The following DAP variants were observed in gnomAD, a reference collection of about 807,000 sequenced individuals.
DAP encodes death-associated protein 1.
Under a neutral mutation model 13.8 loss-of-function variants are expected in DAP, and 8 were observed. The observed-to-expected ratio is 0.58, with a 90% CI of 0.34 to 1.05. DAP has a LOEUF of 1.05. Ranked by LOEUF, DAP falls within the 50% of genes least tolerant of loss-of-function variation. The probability of loss-of-function intolerance (pLI) is 0.03; values close to 1 mark genes in which losing one functional copy is unlikely to be tolerated. For missense variants in DAP, 106 were observed against 133.2 expected (o/e 0.80, Z 1.01); for synonymous variants, 47 against 47.5 (o/e 0.99, Z 0.04).
intron 2 of DAP, among the ~76,000 whole-genome samples, chr5:10,700,982 G>A (rs917003648): frequency 6.6e-6 from 1 of 152,254 alleles, no homozygotes; most frequent in Non-Finnish European, 1.5e-5. Flanking sequence ...TGAATAGACG[G>A]GTGTGAAATG....
chr5:10,697,582 T>C (rs1012023978), intron 2 of DAP, among the ~76,000 whole-genome samples: 2 of 152,188 alleles, frequency 1.3e-5, no homozygotes, highest in African/African-American at 4.8e-5. Context: ...GGTCATGTTA[T>C]AAATGGTTTA....
At chr5:10,751,146 C>T (rs1740036311) in intron 1 of DAP, among the ~76,000 whole-genome samples, 4 of 152,174 alleles carry the variant, frequency 2.6e-5, no homozygotes, top group Non-Finnish European at 4.4e-5. Context: ...ACCTTGGCTA[C>T]TCCCTGCCTC....
chr5:10,681,812 A>C (rs948949914), intron 3 of DAP, among the ~76,000 whole-genome samples: 1 of 142,194 alleles, frequency 7.0e-6, no homozygotes, highest in African/African-American at 2.7e-5. Context: ...TGGCGGTTGT[A>C]TAAGAGGAAG....
At chr5:10,705,567 C>A (rs1738678881) in intron 2 of DAP, among the ~76,000 whole-genome samples, 1 of 152,240 alleles carries the variant, frequency 6.6e-6, no homozygotes, top group African/African-American at 2.4e-5. Flanking sequence ...CAGTTCCATG[C>A]AGGGCCACAT....
At chr5:10,739,787 T>TCACACACACACACACACACACACACACA (rs35309839) in intron 2 of DAP, among the ~76,000 whole-genome samples, 1 of 148,506 alleles carries the variant, frequency 6.7e-6, no homozygotes, top group East Asian at 2.0e-4. Flanking sequence ...CTAAATTAAC[T>TCACACACACACACACACACACACACACA]CACACACACA....
intron 2 of DAP, among the ~76,000 whole-genome samples, chr5:10,692,821 T>C (rs527486466): frequency 1.7e-4 from 26 of 152,264 alleles, no homozygotes; most frequent in Non-Finnish European, 2.6e-4. Flanking sequence ...AATCTTCAAA[T>C]AGGACTGCTA....
At chr5:10,701,324 G>A (rs1052369086) in intron 2 of DAP, among the ~76,000 whole-genome samples, 1 of 152,214 alleles carries the variant, frequency 6.6e-6, no homozygotes, top group African/African-American at 2.4e-5. Flanking sequence ...GTATCATGGA[G>A]AACGCAAGTC....
rs1407611320 is a variant in DAP at position 10,748,313 on chromosome 5, G to T, written c.56-42C>A. 3 of 1,541,188 alleles carry T rather than the reference G, an allele frequency of 1.9e-6. No individual in the cohort carries two copies. The South Asian group carries it at 3.3e-5, about 17-fold the overall frequency. On this transcript the variant is annotated intron_variant, in intron 1 of 3. Coordinates refer to ENST00000230895, the MANE Select transcript of DAP (RefSeq NM_004394.3). ...GAGTGTGGGATTAATGTGGAAATGG[G>T]GCTGCCTGTGGATCAGGGGGACCAG...
In DAP at chr5:10,707,822, T is replaced by C. The variant is rs1397166950; in HGVS notation, c.153-24251A>G. On this transcript the variant is annotated intron_variant, in intron 2 of 3. Coordinates refer to ENST00000230895, the MANE Select transcript of DAP (RefSeq NM_004394.3). The surrounding 1 kb of genome is among the most constrained non-coding windows in gnomAD (Gnocchi z 4.0). ...GGTGTGATGGATGGGTGGCACTGGA[T>C]GAGTACTGGCTCTGCTCATCATCCA... is the stretch of plus-strand genomic sequence containing the variant. Among the ~76,000 whole-genome samples the C allele has an allele frequency of 6.6e-6, 1 of 152,220 alleles. No homozygotes were observed. Among genetic ancestry groups the C allele is most frequent in the Non-Finnish European group, 1.5e-5 (1 of 68,044 alleles).
chr5:10,761,114 G>A lies in DAP; in HGVS notation c.-46C>T. On this transcript the variant is annotated 5_prime_UTR_variant, in exon 1 of 4. Transcript: ENST00000230895. ...GGGCCGAGGCGGCGGCGCGGTTCTC[G>A]GGCCGGGCGGGCGTGCGCGAGTGAG... The A allele has an allele frequency of 3.6e-6, 4 of 1,115,200 alleles. No homozygotes were observed. Among genetic ancestry groups the A allele is most frequent in the Non-Finnish European group, 3.4e-6 (3 of 885,014 alleles). 69.1% of individuals were successfully genotyped at this position (1,115,200 alleles called of 1,614,324 possible).
At chr5:10,756,514 A>G (rs748432920) in intron 1 of DAP, among the ~76,000 whole-genome samples, 1 of 152,222 alleles carries the variant, frequency 6.6e-6, no homozygotes, top group Non-Finnish European at 1.5e-5. Flanking sequence ...GAAGTTACTA[A>G]AAAAAGTAAC....
chr5:10,752,853 C>G (rs774298102), intron 1 of DAP, among the ~76,000 whole-genome samples: 2 of 152,184 alleles, frequency 1.3e-5, no homozygotes, highest in Non-Finnish European at 2.9e-5. Context: ...CCAACAGGAC[C>G]TGGCACACAG....
At chr5:10,690,255 A>G (rs1429960539) in intron 2 of DAP, among the ~76,000 whole-genome samples, 1 of 152,202 alleles carries the variant, frequency 6.6e-6, no homozygotes, top group Non-Finnish European at 1.5e-5. Flanking sequence ...CTTCCTAAAG[A>G]CAGTCCAAGC....
At chr5:10,686,584 C>T (rs1738160555) in intron 2 of DAP, among the ~76,000 whole-genome samples, 1 of 152,162 alleles carries the variant, frequency 6.6e-6, no homozygotes, top group South Asian at 2.1e-4. Flanking sequence ...CACAACATTC[C>T]CTTAAGCCAA....
chr5:10,739,430 G>A (rs2126672516), intron 2 of DAP, among the ~76,000 whole-genome samples: 1 of 152,022 alleles, frequency 6.6e-6, no homozygotes, highest in South Asian at 2.1e-4. Context: ...AGATGGTTGA[G>A]GTGTTTTTAT....
At chr5:10,682,037 A>G (rs1026596299) in intron 3 of DAP, among the ~76,000 whole-genome samples, 1 of 150,586 alleles carries the variant, frequency 6.6e-6, no homozygotes, top group Non-Finnish European at 1.5e-5. Flanking sequence ...TGTAGGAAGC[A>G]TGGTGTTTGT....
chr5:10,681,218 T>G lies in DAP; in HGVS notation c.196-49A>C, dbSNP rs1280670186. ...AGGTTAATCAATAGGAAGCATGGGG[T>G]TTGTGGGTGAGGAAGCCCCAGGCCA... On this transcript the variant is annotated intron_variant, in intron 3 of 3. Coordinates refer to ENST00000230895, the MANE Select transcript of DAP (RefSeq NM_004394.3). 5 of 1,412,684 alleles carry G rather than the reference T, an allele frequency of 3.5e-6. No individual in the cohort carries two copies. In the South Asian group the frequency reaches 6.0e-5, roughly 17 times the overall value. The allele number at this position is 1,412,684 out of a possible 1,614,324, so 87.5% of individuals were successfully genotyped here. A position where few individuals can be genotyped will look rare whatever the true frequency, so the allele number is the denominator to read the frequency against.
rs558797485 is a variant in DAP at position 10,746,333 on chromosome 5, GT to G, written c.152+1841del. Among the ~76,000 whole-genome samples the G allele has an allele frequency of 6.3e-4, 88 of 138,896 alleles. 1 individual carries two copies. In the South Asian group the frequency reaches 6.4e-3, roughly 10 times the overall value. 91.1% of individuals were successfully genotyped at this position (138,896 alleles called of 152,430 possible). On this transcript the variant is annotated intron_variant, in intron 2 of 3. Coordinates refer to ENST00000230895, the MANE Select transcript of DAP (RefSeq NM_004394.3). ...AAAATAATTCTAGCGTTTTTTTTTTGTTTTTTTTTTTTTGAGACAAGAGTTT... is the reference window on the plus strand; with the variant it reads ...AAAATAATTCTAGCGTTTTTTTTTTGTTTTTTTTTTTTGAGACAAGAGTTT...
At chr5:10,721,774 G>A (rs1423444189) in intron 2 of DAP, among the ~76,000 whole-genome samples, 1 of 152,224 alleles carries the variant, frequency 6.6e-6, no homozygotes, top group Non-Finnish European at 1.5e-5. Flanking sequence ...CATGTGACCA[G>A]TTCCGGCTCC....
Sources: gnomAD v4.1 joint callset for allele counts (sites outside exome capture counted in the v4.1 genomes callset) on GRCh38, gnomAD v4.1.1 for gene constraint, Gnocchi (gnomAD v3.1) non-coding constraint, MANE v1.5 for transcripts, NCBI Gene and HGNC (gene_info 2026-07-23, HGNC 2026-07-21) for gene names.